Variants in NAF1 observed in about 807,000 individuals in gnomAD.
NAF1 encodes the protein nuclear assembly factor 1 ribonucleoprotein.
In NAF1, 11 loss-of-function variants were observed where a neutral mutation model predicts 40.6. The ratio of observed to expected loss-of-function variants is 0.27; its 90% CI spans 0.17 to 0.45. The LOEUF is 0.45. Among genes scored for constraint, NAF1 ranks in the 20% least tolerant of loss-of-function variants. The pLI is 1.00. For missense variants in NAF1, 607 were observed against 611.1 expected (o/e 0.99, Z 0.07); for synonymous variants, 260 against 228.5 (o/e 1.14, Z -1.24).
chr4:163,123,646 G>C (rs190340935), downstream of NAF1, among the ~76,000 whole-genome samples: 13 of 152,256 alleles, frequency 8.5e-5, no homozygotes, highest in East Asian at 2.5e-3. Context: ...GCCTCCCAAA[G>C]TGTTGGGATT....
downstream of NAF1, among the ~76,000 whole-genome samples, chr4:163,127,756 G>GA (rs1272060746): frequency 5.3e-5 from 8 of 152,328 alleles, no homozygotes; most frequent in East Asian, 1.5e-3. Context: ...TCATGGGGAA[G>GA]AAAAGTGGGG....
At chr4:163,113,251 C>G (rs1730219032) in intron 2 of NAF1, among the ~76,000 whole-genome samples, 1 of 152,086 alleles carries the variant, frequency 6.6e-6, no homozygotes, top group Non-Finnish European at 1.5e-5. Flanking sequence ...CCCTTGTTAC[C>G]TTAGTCAATC....
chr4:163,109,207 G>A (rs1234275810), downstream of NAF1, among the ~76,000 whole-genome samples: 3 of 147,190 alleles, frequency 2.0e-5, no homozygotes, highest in Non-Finnish European at 4.5e-5. Flanking sequence ...GAGGGGCTAA[G>A]TGAATACAAC....
chr4:163,145,918 T>C, intron 3 of NAF1, 54 bp from the exon 4 acceptor site: 2 of 929,340 alleles, frequency 2.2e-6, no homozygotes, highest in Non-Finnish European at 3.2e-6. Flanking sequence ...ATGTAGAATT[T>C]TAATGAAAAT....
In NAF1 at chr4:163,128,961, G is replaced by T. The variant is rs989783064; in HGVS notation, c.1421C>A (p.Pro474His). Residue 474 changes from proline (P) to histidine (H), a missense_variant, in exon 8 of 8, where the codon CCT becomes CAT. Pro to His is a moderately conservative substitution (Grantham distance 77, BLOSUM62 -2). Around this residue, in one of 3 missense-constraint regions of NAF1, gnomAD observed 189 missense variants for 216.6 expected, o/e 0.87. Transcript: ENST00000274054. ...AGAGGGTGGAGGAGGCAGTGGTGGA[G>T]GGGGAGGGGGTGGGGGTAGGGAGTA... ...LPYSLPPPPP[P>H]PPLPPPPSSG... 8.1e-6 allele frequency: 12 copies of T among 1,479,518 alleles called. No homozygotes were observed. Among genetic ancestry groups the T allele is most frequent in the Non-Finnish European group, 1.1e-5 (12 of 1,072,936 alleles). 91.6% of individuals were successfully genotyped at this position (1,479,518 alleles called of 1,614,324 possible).
intron 2 of NAF1, among the ~76,000 whole-genome samples, chr4:163,162,478 G>A (rs779014011): frequency 1.3e-5 from 2 of 152,198 alleles, no homozygotes; most frequent in East Asian, 1.9e-4. Context: ...AATGGTCACA[G>A]AGAGGAACAG....
At chr4:163,139,517 A>G (rs1176164102) in intron 5 of NAF1, among the ~76,000 whole-genome samples, 4 of 152,174 alleles carry the variant, frequency 2.6e-5, no homozygotes, top group Admixed American at 6.5e-5. Flanking sequence ...TAACATAATT[A>G]TAACAAGTTT....
intron 2 of NAF1, among the ~76,000 whole-genome samples, chr4:163,156,513 A>T (rs1161019640): frequency 6.6e-6 from 1 of 152,036 alleles, no homozygotes; most frequent in Non-Finnish European, 1.5e-5. Context: ...AAATTAAATA[A>T]AATTTAAAAT....
chr4:163,120,427 G>A (rs1383303709), intron 2 of NAF1, among the ~76,000 whole-genome samples: 1 of 152,154 alleles, frequency 6.6e-6, no homozygotes, highest in African/African-American at 2.4e-5. Context: ...TAGAAACAAT[G>A]TTTGGCCCAT....
chr4:163,120,941 G>C (rs949861790), intron 2 of NAF1, among the ~76,000 whole-genome samples: 2 of 152,124 alleles, frequency 1.3e-5, no homozygotes, highest in African/African-American at 4.8e-5. Flanking sequence ...AACCAGGCTA[G>C]AGTGTAGTGG....
In NAF1 at chr4:163,166,371, G is replaced by GTCCGAA; in HGVS notation, c.351_356dup (p.Asp121_Ser122dup). On this transcript the variant is annotated inframe_insertion, in exon 1 of 8. Coordinates refer to ENST00000274054, the MANE Select transcript of NAF1 (RefSeq NM_138386.3). ...TCCCTTAGGCACCCGACCTGTCCGA[G>GTCCGAA]TCCGAATCCGAGTCCGAGGTCTCCA... The GTCCGAA allele has an allele frequency of 6.2e-7, 1 of 1,601,940 alleles. No individual in the cohort carries two copies. Among genetic ancestry groups the GTCCGAA allele is most frequent in the South Asian group, 1.1e-5 (1 of 89,682 alleles).
intron 6 of NAF1, chr4:163,134,901 G>T (rs1730997369): frequency 6.6e-6 from 1 of 152,144 alleles, no homozygotes; most frequent in African/African-American, 2.4e-5. Context: ...AAGAGCAGGA[G>T]GGAGGAAGTA....
At chr4:163,121,309 A>G (rs1450845529) in intron 2 of NAF1, among the ~76,000 whole-genome samples, 2 of 152,230 alleles carry the variant, frequency 1.3e-5, no homozygotes, top group African/African-American at 2.4e-5. Context: ...GATATTATCC[A>G]TATCCTAATT....
intron 7 of NAF1, among the ~76,000 whole-genome samples, chr4:163,129,925 G>A (rs1261333498): frequency 6.6e-6 from 1 of 152,132 alleles, no homozygotes; most frequent in East Asian, 1.9e-4. Flanking sequence ...ATATGGGGAG[G>A]AGTGACAAAG....
In NAF1 at chr4:163,128,844, A is replaced by T. The variant is rs542801714; in HGVS notation, c.*53T>A. On this transcript the variant is annotated 3_prime_UTR_variant, in exon 8 of 8. Transcript: ENST00000274054. Reference sequence around the variant, plus strand: ...CCATAATCACTCTTGAAAAAAAAAAATCCTTACCACATAATATGAAAAGTC... The same window carrying T: ...CCATAATCACTCTTGAAAAAAAAAATTCCTTACCACATAATATGAAAAGTC... 12 of 1,457,084 alleles carry T rather than the reference A, an allele frequency of 8.2e-6. No individual in the cohort carries two copies. In the East Asian group the frequency reaches 2.5e-4, roughly 31 times the overall value. 90.3% of individuals were successfully genotyped at this position (1,457,084 alleles called of 1,614,324 possible). A position where few individuals can be genotyped will look rare whatever the true frequency, so the allele number is the denominator to read the frequency against.
intron 1 of NAF1, 31 bp from the exon 2 acceptor site, chr4:163,164,422 T>C: frequency 7.0e-7 from 1 of 1,428,000 alleles, no homozygotes; most frequent in Non-Finnish European, 9.3e-7. Flanking sequence ...AAAAAAATAG[T>C]CCAGTATTAT....
chr4:163,146,247 T>C (rs1478776654), intron 3 of NAF1, among the ~76,000 whole-genome samples: 1 of 152,192 alleles, frequency 6.6e-6, no homozygotes, highest in Non-Finnish European at 1.5e-5. Context: ...TCTTTCTCAC[T>C]CTTAAAAATT....
At chr4:163,134,076 T>C (rs1269518598) in intron 6 of NAF1, among the ~76,000 whole-genome samples, 1 of 152,180 alleles carries the variant, frequency 6.6e-6, no homozygotes, top group Non-Finnish European at 1.5e-5. Context: ...ATTAACTAAT[T>C]ATTAGGATTC....
chr4:163,115,518 C>T (rs1227829795), intron 2 of NAF1, among the ~76,000 whole-genome samples: 2 of 152,074 alleles, frequency 1.3e-5, no homozygotes, highest in South Asian at 4.2e-4. Context: ...TTTTTGAAGC[C>T]GTTGCCATAC....
Sources: allele counts gnomAD v4.1 joint callset (sites outside exome capture counted in the v4.1 genomes callset), GRCh38; gene constraint gnomAD v4.1.1; regional missense constraint gnomAD v4.1.1; transcripts MANE v1.5; gene names NCBI Gene and HGNC (gene_info 2026-07-23, HGNC 2026-07-21).